The following NPSR1 variants were observed in gnomAD, a reference collection of about 807,000 sequenced individuals.
NPSR1 encodes the protein neuropeptide S receptor.
NPSR1 carries 48 observed loss-of-function variants against 46.9 expected under a neutral mutation model. The ratio of observed to expected loss-of-function variants is 1.02; its 90% CI spans 0.81 to 1.30. The LOEUF (loss-of-function observed/expected upper bound fraction) is 1.30. Ranked by LOEUF, NPSR1 falls within the 50% of genes most tolerant of loss-of-function variation. The probability of loss-of-function intolerance (pLI) is 0.00; values close to 1 mark genes in which losing one functional copy is unlikely to be tolerated. For missense variants in NPSR1, 450 were observed against 449.5 expected (o/e 1.00, Z -0.01); for synonymous variants, 176 against 168.1 (o/e 1.05, Z -0.36).
chr7:34,720,530 T>C (rs2128707391), intron 2 of NPSR1, among the ~76,000 whole-genome samples: 1 of 152,160 alleles, frequency 6.6e-6, no homozygotes, highest in African/African-American at 2.4e-5. Context: ...GCCCTGAATA[T>C]GTGAGTTGGG....
At chr7:34,682,829 A>T (rs1269158675) in intron 1 of NPSR1, among the ~76,000 whole-genome samples, 4 of 152,142 alleles carry the variant, frequency 2.6e-5, no homozygotes, top group Non-Finnish European at 4.4e-5. Flanking sequence ...GCAGGATATG[A>T]CCCCTCTAGT....
intron 1 of NPSR1, among the ~76,000 whole-genome samples, chr7:34,674,447 A>C (rs753280005): frequency 2.0e-5 from 3 of 152,186 alleles, no homozygotes; most frequent in African/African-American, 7.2e-5. Flanking sequence ...AACTCACCTA[A>C]GCAAATTAAT....
At chr7:34,821,187 C>T (rs149194523) in intron 4 of NPSR1, among the ~76,000 whole-genome samples, 4,116 of 140,032 alleles carry the variant, frequency 0.029, 138 homozygotes, top group African/African-American at 0.078. Context: ...CGGGCTAGAG[C>T]GCAGTGGCGC....
chr7:34,791,062 ATAT>A (rs1410190901), intron 3 of NPSR1, among the ~76,000 whole-genome samples: 20 of 107,668 alleles, frequency 1.9e-4, no homozygotes, highest in African/African-American at 6.5e-4. Flanking sequence ...TATATGTTAT[ATAT>A]TATATTATAT....
At chr7:34,664,128 C>A (rs1791614541) in intron 1 of NPSR1, among the ~76,000 whole-genome samples, 1 of 152,202 alleles carries the variant, frequency 6.6e-6, no homozygotes, top group African/African-American at 2.4e-5. Context: ...ACCTCTCAGT[C>A]CCCCAAGTAA....
chr7:34,790,747 A>ATATATATGT (rs1554330690), intron 3 of NPSR1, among the ~76,000 whole-genome samples: 8 of 59,000 alleles, frequency 1.4e-4, no homozygotes, highest in African/African-American at 1.1e-3. Context: ...GTTATATATA[A>ATATATATGT]TATATGTTAT....
chr7:34,692,393 C>T (rs1054691661), intron 2 of NPSR1, among the ~76,000 whole-genome samples: 1 of 152,150 alleles, frequency 6.6e-6, no homozygotes, highest in African/African-American at 2.4e-5. Context: ...ATCAAACCAA[C>T]GGGCACCTTC....
At chr7:34,844,445 T>G (rs966051113) in intron 6 of NPSR1, among the ~76,000 whole-genome samples, 5 of 152,092 alleles carry the variant, frequency 3.3e-5, no homozygotes, top group Admixed American at 3.3e-4. Flanking sequence ...CGTTTTTTTG[T>G]TTTTGTTTTT....
At chr7:34,839,576 CTACTT>C (rs2128761943) in intron 6 of NPSR1, among the ~76,000 whole-genome samples, 1 of 152,280 alleles carries the variant, frequency 6.6e-6, no homozygotes, top group East Asian at 1.9e-4. Flanking sequence ...GTACCAATCT[CTACTT>C]TAGAAGGGAA....
intron 1 of NPSR1, 67 bp downstream of exon 1, chr7:34,658,626 T>C: frequency 6.9e-7 from 1 of 1,453,884 alleles, no homozygotes; most frequent in Non-Finnish European, 9.6e-7. Context: ...CTTAAGAGTG[T>C]CAATTGAAGT....
At chr7:34,867,132 C>A (rs1473981108) in intron 8 of NPSR1, among the ~76,000 whole-genome samples, 3 of 151,674 alleles carry the variant, frequency 2.0e-5, no homozygotes, top group African/African-American at 4.9e-5. Context: ...GAACCCAGAA[C>A]CCTCATCATC....
At chr7:34,874,923 C>CT (rs1253432896) in intron 8 of NPSR1, among the ~76,000 whole-genome samples, 2 of 152,116 alleles carry the variant, frequency 1.3e-5, no homozygotes, top group African/African-American at 4.8e-5. Context: ...ACTACCTCTG[C>CT]TTTTTTCAGC....
intron 8 of NPSR1, among the ~76,000 whole-genome samples, chr7:34,866,502 T>C (rs1303873311): frequency 3.3e-5 from 5 of 151,638 alleles, no homozygotes; most frequent in Admixed American, 6.5e-5. Flanking sequence ...TTTCTTTCCA[T>C]GTCTATGTTT....
At chr7:34,844,855 C>A (rs1216558552) in intron 6 of NPSR1, 41 bp from the exon 7 acceptor site, 1 of 1,233,270 alleles carries the variant, frequency 8.1e-7, no homozygotes, top group Non-Finnish European at 1.2e-6. Context: ...ACTGTCACAT[C>A]TTGAACACTT....
chr7:34,859,523 C>T (rs1276360252), intron 8 of NPSR1, among the ~76,000 whole-genome samples: 1 of 151,644 alleles, frequency 6.6e-6, no homozygotes, highest in Non-Finnish European at 1.5e-5. Flanking sequence ...ATATAGGGAA[C>T]ACTGGAGATA....
Position 34,811,857 on chromosome 7 carries a change from C to A in NPSR1, c.472C>A (p.Gln158Lys). The change falls in exon 4 of 9, where the codon CAA becomes AAA. Residue 158 changes from glutamine to lysine, a missense_variant. Physicochemically the swap from Gln to Lys is moderately conservative, Grantham distance 53. Transcript: ENST00000360581. The stretch of plus-strand genomic sequence containing the variant: ...CATCGTCTACCCCATGAAGTTCCTT[C>A]AAGGAGGTGAGCTGGCTTTACCAGG... The part of the protein sequence containing the change: ...HAIVYPMKFL[Q>K]GEKQARVLIV... 1 of 1,612,146 alleles carries A rather than the reference C, an allele frequency of 6.2e-7. No individual in the cohort carries two copies. Among genetic ancestry groups the A allele is most frequent in the South Asian group, 1.1e-5 (1 of 90,820 alleles).
chr7:34,781,779 T>C (rs908797527), intron 3 of NPSR1, among the ~76,000 whole-genome samples: 3 of 152,138 alleles, frequency 2.0e-5, no homozygotes, highest in Admixed American at 6.5e-5. Flanking sequence ...TCCAGACTGA[T>C]AGTCTGACTA....
At chr7:34,732,936 C>G (rs937310632) in intron 2 of NPSR1, among the ~76,000 whole-genome samples, 7 of 152,020 alleles carry the variant, frequency 4.6e-5, no homozygotes, top group African/African-American at 1.7e-4. Flanking sequence ...GGATAAATGA[C>G]AAAGAAGAAA....
Position 34,694,755 on chromosome 7 carries a change from G to A in NPSR1, c.280+10071G>A, listed in dbSNP as rs1221383669. On this transcript the variant is annotated intron_variant, in intron 2 of 8. Transcript: ENST00000360581. ...AAATGGAGTCTCGCTCTGTCACCAG[G>A]CTGGAGTGCATTGGCACGATCTTGG... Among the ~76,000 whole-genome samples the A allele has an allele frequency of 2.0e-5, 3 of 152,124 alleles. No individual in the cohort carries two copies. The East Asian group carries it at 5.8e-4, about 29-fold the overall frequency.
Sources: allele counts gnomAD v4.1 joint callset (sites outside exome capture counted in the v4.1 genomes callset), GRCh38; gene constraint gnomAD v4.1.1; transcripts MANE v1.5; gene names NCBI Gene and HGNC (gene_info 2026-07-23, HGNC 2026-07-21).